Variants in FRMD5 observed in about 807,000 individuals in gnomAD.
FRMD5 encodes FERM domain-containing protein 5.
In FRMD5, 20 loss-of-function variants were observed where a neutral mutation model predicts 69.0. The observed-to-expected ratio is 0.29, with a 90% CI of 0.20 to 0.42. The LOEUF (loss-of-function observed/expected upper bound fraction) is 0.42. Ranked by LOEUF, FRMD5 falls within the 10% of genes least tolerant of loss-of-function variation. The pLI is 1.00. For missense variants in FRMD5, 595 were observed against 708.6 expected, an observed-to-expected ratio of 0.84 and a Z score of 1.82; for synonymous variants, 271 against 260.1, an observed-to-expected ratio of 1.04 and a Z score of -0.40.
At chr15:43,909,844 G>T in intron 5 of FRMD5, 38 bp downstream of exon 5, 1 of 1,221,810 alleles carries the variant, frequency 8.2e-7, no homozygotes, top group Non-Finnish European at 1.2e-6. Context: ...ATCAGTACTT[G>T]GCATGAAAAG....
chr15:44,095,264 A>G (rs2076535210), intron 1 of FRMD5, among the ~76,000 whole-genome samples: 1 of 151,000 alleles, frequency 6.6e-6, no homozygotes, highest in South Asian at 2.1e-4. Context: ...GTGCAGTGGT[A>G]CAACTGTGGT....
intron 1 of FRMD5, among the ~76,000 whole-genome samples, chr15:43,964,200 G>A (rs2090253766): frequency 6.6e-6 from 1 of 151,990 alleles, no homozygotes; most frequent in East Asian, 1.9e-4. Flanking sequence ...CAATCACAAG[G>A]GATTTAAGAA....
chr15:44,131,591 T>C (rs1006537437), intron 1 of FRMD5, among the ~76,000 whole-genome samples: 3 of 152,170 alleles, frequency 2.0e-5, no homozygotes, highest in Non-Finnish European at 4.4e-5. Flanking sequence ...ATACATACAA[T>C]GGAATATTAT....
chr15:43,878,324 C>G (rs186894798), intron 13 of FRMD5, among the ~76,000 whole-genome samples: 300 of 152,266 alleles, frequency 2.0e-3, no homozygotes, highest in Admixed American at 4.8e-3. Context: ...ACCCTGTCAA[C>G]GCTGTTAAGT....
chr15:44,005,374 G>A (rs1890391306), intron 1 of FRMD5, among the ~76,000 whole-genome samples: 1 of 151,232 alleles, frequency 6.6e-6, no homozygotes, highest in Non-Finnish European at 1.5e-5. Flanking sequence ...GGGATGCTGA[G>A]GCAGGAGAAT....
At chr15:44,100,946 C>T (rs1345812966) in intron 1 of FRMD5, among the ~76,000 whole-genome samples, 6 of 152,078 alleles carry the variant, frequency 3.9e-5, no homozygotes, top group African/African-American at 9.6e-5. Flanking sequence ...GTCAAGAGAT[C>T]GAGACCATCC....
intron 1 of FRMD5, among the ~76,000 whole-genome samples, chr15:43,930,299 G>A (rs1350169175): frequency 6.6e-6 from 1 of 152,180 alleles, no homozygotes; most frequent in Non-Finnish European, 1.5e-5. Flanking sequence ...CTCATTCCAG[G>A]GGGAAATGCA....
intron 1 of FRMD5, among the ~76,000 whole-genome samples, chr15:44,053,589 G>A (rs757808238): frequency 1.3e-5 from 2 of 152,070 alleles, no homozygotes; most frequent in Non-Finnish European, 2.9e-5. Flanking sequence ...GTGACATACT[G>A]GATATGAAAC....
chr15:43,877,775 T>G (rs1235513463), intron 13 of FRMD5, among the ~76,000 whole-genome samples: 1 of 152,250 alleles, frequency 6.6e-6, no homozygotes, highest in African/African-American at 2.4e-5. Flanking sequence ...TATCTTTCAG[T>G]AACTCCACAA....
intron 1 of FRMD5, among the ~76,000 whole-genome samples, chr15:44,119,715 G>A (rs2076919585): frequency 7.7e-6 from 1 of 129,720 alleles, no homozygotes. Flanking sequence ...TGAAATCATA[G>A]AGACTGTCTA....
At chr15:44,124,622 C>T (rs1259912020) in intron 1 of FRMD5, among the ~76,000 whole-genome samples, 1 of 151,992 alleles carries the variant, frequency 6.6e-6, no homozygotes, top group Non-Finnish European at 1.5e-5. Context: ...GCACTTGAAC[C>T]TGGGAGGCAG....
intron 1 of FRMD5, among the ~76,000 whole-genome samples, chr15:44,028,937 A>C (rs1891557299): frequency 6.6e-6 from 1 of 152,234 alleles, no homozygotes; most frequent in Admixed American, 6.5e-5. Context: ...CTGTAAAGAC[A>C]TTGACAAAGA....
intron 13 of FRMD5, among the ~76,000 whole-genome samples, chr15:43,882,736 T>C (rs1046916940): frequency 6.6e-6 from 1 of 152,164 alleles, no homozygotes; most frequent in African/African-American, 2.4e-5. Context: ...GTGAAAATTC[T>C]TGGTTAACAG....
chr15:43,929,480 G>T (rs184318966), intron 1 of FRMD5, among the ~76,000 whole-genome samples: 2 of 152,316 alleles, frequency 1.3e-5, no homozygotes, highest in East Asian at 3.9e-4. Flanking sequence ...TGCAAACGAA[G>T]TAGAGTCTAG....
Position 43,888,275 on chromosome 15 carries a change from A to T in FRMD5, c.793-9T>A, listed in dbSNP as rs1173078156. Reference sequence around the variant, plus strand: ...AGAATAATTTTCTTTTCCTGCAAAAAATTCCACATTGATATGGCTGAGTGT... The same window carrying T: ...AGAATAATTTTCTTTTCCTGCAAAATATTCCACATTGATATGGCTGAGTGT... On this transcript the variant is annotated splice_polypyrimidine_tract_variant and intron_variant, in intron 9 of 13. Coordinates refer to ENST00000417257, the MANE Select transcript of FRMD5 (RefSeq NM_032892.5). 2 of 1,594,732 alleles carry T rather than the reference A, an allele frequency of 1.3e-6. No individual in the cohort carries two copies. The highest frequency in any genetic ancestry group is 1.7e-6 in the Non-Finnish European group (2 of 1,162,522).
Position 44,119,412 on chromosome 15 carries a change from C to A in FRMD5, c.102+75541G>T, listed in dbSNP as rs115833799. ...CGAGACGTACAGTGACACTACCCACCATAACTTAACTGGTTCCATTCTAGG... is the reference window on the plus strand; with the variant it reads ...CGAGACGTACAGTGACACTACCCACAATAACTTAACTGGTTCCATTCTAGG... On this transcript the variant is annotated intron_variant, in intron 1 of 13. Transcript: ENST00000417257. 4.7e-3 allele frequency among the ~76,000 whole-genome samples: 712 copies of A among 152,272 alleles called. 11 individuals are homozygous for A. Among genetic ancestry groups the A allele is most frequent in the African/African-American group, 0.016 (680 of 41,548 alleles).
chr15:44,127,509 C>T lies in FRMD5; in HGVS notation c.102+67444G>A, dbSNP rs900350111. ...AATGACTATCCATCACCACTCCCCA[C>T]TTCCATGACTACTGTACAATCTCAA... On this transcript the variant is annotated intron_variant, in intron 1 of 13. Transcript: ENST00000417257. 3.9e-5 allele frequency among the ~76,000 whole-genome samples: 6 copies of T among 152,200 alleles called. No individual in the cohort carries two copies. In the East Asian group the frequency reaches 5.8e-4, roughly 15 times the overall value.
chr15:44,062,732 T>A (rs1315952144), intron 1 of FRMD5, among the ~76,000 whole-genome samples: 1 of 151,762 alleles, frequency 6.6e-6, no homozygotes. Context: ...GTACATAGGT[T>A]ACATGCAAAT....
chr15:43,904,360 A>G (rs2089120427), intron 6 of FRMD5, among the ~76,000 whole-genome samples: 1 of 152,142 alleles, frequency 6.6e-6, no homozygotes, highest in Non-Finnish European at 1.5e-5. Flanking sequence ...TAATGACAAC[A>G]TAACTTTTTT....
Sources: gnomAD v4.1 joint callset for allele counts (sites outside exome capture counted in the v4.1 genomes callset) on GRCh38, gnomAD v4.1.1 for gene constraint, MANE v1.5 for transcripts, NCBI Gene and HGNC (gene_info 2026-07-23, HGNC 2026-07-21) for gene names.